TLN2: variants seen among roughly 807,000 people sequenced by gnomAD.
TLN2 encodes talin 2, also known as talin-2.
In TLN2, 118 loss-of-function variants were observed where a neutral mutation model predicts 294.7. The observed-to-expected ratio is 0.40, with a 90% CI of 0.34 to 0.47. The LOEUF (loss-of-function observed/expected upper bound fraction) is 0.47. Ranked by LOEUF, TLN2 falls within the 20% of genes least tolerant of loss-of-function variation. TLN2 has a pLI of 0.84. For missense variants in TLN2, 3,083 were observed against 3,282.2 expected (o/e 0.94, Z 1.48); for synonymous variants, 1,431 against 1,304.5 (o/e 1.10, Z -2.09).
chr15:62,531,823 G>T (rs1018312794), intron 1 of TLN2, among the ~76,000 whole-genome samples: 22 of 152,110 alleles, frequency 1.4e-4, no homozygotes, highest in African/African-American at 5.3e-4. Context: ...TACTACTATG[G>T]ATTTGATGTT....
chr15:62,489,789 A>G (rs960258532), intron 1 of TLN2, among the ~76,000 whole-genome samples: 1 of 152,220 alleles, frequency 6.6e-6, no homozygotes, highest in Non-Finnish European at 1.5e-5. Flanking sequence ...GTCCGCTGCC[A>G]TATTGTGAAG....
intron 9 of TLN2, among the ~76,000 whole-genome samples, chr15:62,667,524 G>C (rs1304864837): frequency 1.3e-5 from 2 of 152,060 alleles, no homozygotes. Context: ...TGTTCATGTG[G>C]ATCCCCTCCG....
In TLN2 at chr15:62,697,776, A is replaced by G; in HGVS notation, c.1381A>G (p.Ser461Gly). ...ALPAVMRSGS[S>G]GPETFNVGSM... ...GCCGGCCGTGATGCGCTCGGGCTCCAGCGGGCCTGAGACCTTCAACGTTGG... is the reference window on the plus strand; with the variant it reads ...GCCGGCCGTGATGCGCTCGGGCTCCGGCGGGCCTGAGACCTTCAACGTTGG... The change falls in exon 15 of 59, where the codon AGC becomes GGC. Residue 461 changes from serine (S) to glycine (G), a missense_variant. By Grantham distance (56) the Ser-to-Gly change is moderately conservative (BLOSUM62 0). Transcript: ENST00000636159. The G allele has an allele frequency of 6.2e-7, 1 of 1,612,654 alleles. No homozygotes were observed. Among genetic ancestry groups the G allele is most frequent in the Non-Finnish European group, 8.5e-7 (1 of 1,179,504 alleles).
intron 43 of TLN2, among the ~76,000 whole-genome samples, chr15:62,779,296 A>G (rs1477391510): frequency 6.6e-6 from 1 of 152,196 alleles, no homozygotes; most frequent in African/African-American, 2.4e-5. Flanking sequence ...TGAGGTTGGT[A>G]GGATCCTGTG....
At chr15:62,708,095 A>T (rs1338302855) in intron 20 of TLN2, among the ~76,000 whole-genome samples, 2 of 152,114 alleles carry the variant, frequency 1.3e-5, no homozygotes, top group African/African-American at 4.8e-5. Context: ...GCAGAGTTTC[A>T]GGTGTTTCTG....
intron 57 of TLN2, among the ~76,000 whole-genome samples, chr15:62,838,507 C>T (rs2070093973): frequency 1.3e-5 from 2 of 152,190 alleles, no homozygotes; most frequent in African/African-American, 4.8e-5. Flanking sequence ...AGGTGGTTTT[C>T]CAGACCAAGG....
chr15:62,763,715 G>A lies in TLN2; in HGVS notation c.5094+20G>A, dbSNP rs200522665. Reference sequence around the variant, plus strand: ...GTGGAGGTAAGCTGGGAATCTGGGGGCCTGCTTAGTCGCCTCTAGATATGT... The same window carrying A: ...GTGGAGGTAAGCTGGGAATCTGGGGACCTGCTTAGTCGCCTCTAGATATGT... On this transcript the variant is annotated intron_variant, in intron 40 of 58. Transcript: ENST00000636159. The A allele has an allele frequency of 1.2e-4, 191 of 1,588,748 alleles. 1 individual carries two copies. In the African/African-American group the frequency reaches 2.2e-3, roughly 18 times the overall value.
rs956073305 is a variant in TLN2, at chr15:62,841,658, T to C, written c.*1048T>C. On this transcript the variant is annotated 3_prime_UTR_variant, in exon 59 of 59. Coordinates refer to ENST00000636159, the MANE Select transcript of TLN2 (RefSeq NM_015059.3). The stretch of plus-strand genomic sequence containing the variant: ...AAATCAATGTGAACCTTTAACAAGA[T>C]AGTTTTACTTATTATCACATAAGAC... 3 of 151,742 alleles carry C rather than the reference T, an allele frequency of 2.0e-5. No homozygotes were observed. The highest frequency in any genetic ancestry group is 4.1e-4 in the South Asian group (2 of 4,826). 9.4% of individuals were successfully genotyped at this position (151,742 alleles called of 1,614,324 possible). A position where few individuals can be genotyped will look rare whatever the true frequency, so the allele number is the denominator to read the frequency against.
chr15:62,492,173 C>T (rs540695062), intron 1 of TLN2, among the ~76,000 whole-genome samples: 15 of 151,904 alleles, frequency 9.9e-5, no homozygotes, highest in African/African-American at 2.9e-4. Flanking sequence ...AAAAACTGGC[C>T]GGACGCGGTG....
chr15:62,675,040 T>G (rs2056001918), intron 10 of TLN2, among the ~76,000 whole-genome samples, 177 bp from the exon 11 acceptor site: 1 of 152,226 alleles, frequency 6.6e-6, no homozygotes, highest in African/African-American at 2.4e-5. Context: ...TAGAACTTCC[T>G]GCATGCTCTG....
chr15:62,751,721 C>T (rs527934902), intron 34 of TLN2, among the ~76,000 whole-genome samples: 1 of 152,310 alleles, frequency 6.6e-6, no homozygotes, highest in South Asian at 2.1e-4. Flanking sequence ...TCACTGTGAC[C>T]TTGTACAGGA....
intron 1 of TLN2, among the ~76,000 whole-genome samples, chr15:62,574,937 T>A (rs1009000416): frequency 6.6e-6 from 1 of 152,008 alleles, no homozygotes; most frequent in Non-Finnish European, 1.5e-5. Context: ...CTCCTACAAA[T>A]GTAGAGGGAG....
chr15:62,651,156 T>C (rs891425552), intron 5 of TLN2, among the ~76,000 whole-genome samples: 1 of 152,232 alleles, frequency 6.6e-6, no homozygotes, highest in Non-Finnish European at 1.5e-5. Flanking sequence ...CACTGATGTC[T>C]TTTTAACAGG....
intron 1 of TLN2, among the ~76,000 whole-genome samples, chr15:62,469,678 C>T (rs1380538559): frequency 6.6e-6 from 1 of 152,176 alleles, no homozygotes; most frequent in African/African-American, 2.4e-5. Context: ...CTCTTGAGAG[C>T]CACCCACAAG....
Position 62,750,455 on chromosome 15 carries a change from C to T in TLN2, c.4173C>T (p.Tyr1391=), listed in dbSNP as rs199908916. The change falls in exon 34 of 59, where the codon TAC becomes TAT. Residue 1391 remains tyrosine, a synonymous_variant. Coordinates refer to ENST00000636159, the MANE Select transcript of TLN2 (RefSeq NM_015059.3). ...ATGAACCTGTTAGTGACCTCTCTTACTTTGACTGCATTGAGAGTGTGATGG... is the reference window on the plus strand; with the variant it reads ...ATGAACCTGTTAGTGACCTCTCTTATTTTGACTGCATTGAGAGTGTGATGG... ...NPNEPVSDLS[Y]FDCIESVMEN... 9.9e-6 allele frequency: 16 copies of T among 1,614,096 alleles called. No homozygotes were observed. Among genetic ancestry groups the T allele is most frequent in the Non-Finnish European group, 1.4e-5 (16 of 1,180,042 alleles).
At chr15:62,637,574 G>T (rs943154405) in intron 3 of TLN2, 1 of 152,194 alleles carries the variant, frequency 6.6e-6, no homozygotes. Flanking sequence ...TGGAAGGGGG[G>T]TGCCAAAAAA....
chr15:62,716,899 T>C (rs2059811339), intron 23 of TLN2, among the ~76,000 whole-genome samples: 1 of 151,832 alleles, frequency 6.6e-6, no homozygotes, highest in Admixed American at 6.6e-5. Context: ...AAATAATTAT[T>C]CTGAAAAAGA....
chr15:62,729,956 T>C (rs1447173651), intron 28 of TLN2, among the ~76,000 whole-genome samples: 1 of 152,114 alleles, frequency 6.6e-6, no homozygotes, highest in Non-Finnish European at 1.5e-5. Flanking sequence ...TCTGTTTACC[T>C]CTTCCTGCAT....
At chr15:62,683,398 G>A (rs916827737) in intron 11 of TLN2, among the ~76,000 whole-genome samples, 4 of 152,174 alleles carry the variant, frequency 2.6e-5, no homozygotes, top group Middle Eastern at 3.4e-3. Flanking sequence ...GTTTATTAGC[G>A]AATCCTGCCT....
Sources: allele counts gnomAD v4.1 joint callset (sites outside exome capture counted in the v4.1 genomes callset), GRCh38; gene constraint gnomAD v4.1.1; transcripts MANE v1.5; gene names NCBI Gene and HGNC (gene_info 2026-07-23, HGNC 2026-07-21).